Variants in ELAC2 observed in about 807,000 individuals in gnomAD.
ELAC2 encodes elaC ribonuclease Z 2.
In ELAC2, 92 loss-of-function variants were observed where a neutral mutation model predicts 105.2. The observed-to-expected ratio is 0.87, with a 90% CI of 0.74 to 1.04. ELAC2 has a LOEUF of 1.04. ELAC2 is among the 50% of genes least tolerant of loss of function. The probability of loss-of-function intolerance (pLI) is 0.00; values close to 1 mark genes in which losing one functional copy is unlikely to be tolerated. For synonymous variants in ELAC2, 468 were observed against 409.1 expected, an observed-to-expected ratio of 1.14 and a Z score of -1.74; for missense variants, 1,099 against 1,071.7, an observed-to-expected ratio of 1.03 and a Z score of -0.36.
chr17:12,993,777 C>T lies in ELAC2; in HGVS notation c.2163G>A (p.Met721Ile). Reference protein sequence around the residue: ...VGMRMNAEFIMLNHFSQRYAK... With the variant: ...VGMRMNAEFIILNHFSQRYAK... ...CATAGCGCTGGCTGAAGTGGTTCAG[C>T]ATAATGAACTCCGCGTTCATCCGCA... The change falls in exon 23 of 24, where the codon ATG becomes ATA. Residue 721 changes from methionine (M) to isoleucine (I), a missense_variant. Coordinates refer to ENST00000338034, the MANE Select transcript of ELAC2 (RefSeq NM_018127.7). The T allele has an allele frequency of 6.2e-7, 1 of 1,614,154 alleles. No individual in the cohort carries two copies. Among genetic ancestry groups the T allele is most frequent in the African/African-American group, 1.3e-5 (1 of 75,032 alleles).
At position 12,991,675 on chromosome 17, in the gene ELAC2, G is replaced by C; in HGVS notation, c.*1143C>G. ...CATCTGTTCTTGCTTTAATAAACCT[G>C]CGGGGACATGGCCGTCAATCTCAAA... On this transcript the variant is annotated 3_prime_UTR_variant, in exon 24 of 24. Coordinates refer to ENST00000338034, the MANE Select transcript of ELAC2 (RefSeq NM_018127.7). 4.9e-6 allele frequency: 1 copy of C among 202,890 alleles called. No homozygotes were observed. Among genetic ancestry groups the C allele is most frequent in the African/African-American group, 2.3e-5 (1 of 43,714 alleles). The allele number at this position is 202,890 out of a possible 1,614,324, so 12.6% of individuals were successfully genotyped here.
chr17:13,012,103 CTA>C (rs2041447558), intron 6 of ELAC2, among the ~76,000 whole-genome samples: 1 of 152,112 alleles, frequency 6.6e-6, no homozygotes, highest in Admixed American at 6.5e-5. Context: ...CAAAGGGTAC[CTA>C]TCTCAAGAAG....
rs1302413320 is a variant in ELAC2, at chr17:12,991,663, T to TTTAA, written c.*1151_*1154dup. ...CCCTGAGCTTGGCATCTGTTCTTGCTTTAATAAACCTGCGGGGACATGGCC... is the reference window on the plus strand; with the variant it reads ...CCCTGAGCTTGGCATCTGTTCTTGCTTTAATTAATAAACCTGCGGGGACATGGCC... On this transcript the variant is annotated 3_prime_UTR_variant, in exon 24 of 24. Transcript: ENST00000338034. The TTTAA allele has an allele frequency of 2.0e-5, 4 of 199,398 alleles. 1 individual carries two copies. The highest frequency in any genetic ancestry group is 9.2e-5 in the African/African-American group (4 of 43,508). 12.4% of individuals were successfully genotyped at this position (199,398 alleles called of 1,614,324 possible). A position where few individuals can be genotyped will look rare whatever the true frequency, so the allele number is the denominator to read the frequency against.
Position 12,994,843 on chromosome 17 carries a change from G to A in ELAC2, c.1950C>T (p.Gly650=). ...AGCCAGAGGTGTGCACCAGCGCACA[G>A]CCAAACGCATGCTTGCAGTGCCGCA... is the stretch of plus-strand genomic sequence containing the variant. ...CLVRHCKHAF[G]CALVHTSGWK... is the part of the protein sequence containing the mutation. The change falls in exon 21 of 24, where the codon GGC becomes GGT. Residue 650 remains glycine, a synonymous_variant. Transcript: ENST00000338034. The A allele has an allele frequency of 6.2e-7, 1 of 1,614,076 alleles. No individual in the cohort carries two copies. The highest frequency in any genetic ancestry group is 8.5e-7 in the Non-Finnish European group (1 of 1,180,040).
chr17:13,000,286 G>C lies in ELAC2; in HGVS notation c.1305-12C>G, dbSNP rs779858810. ...TAATAATGGCATCCCTGCAGGAAGA[G>C]AGAGAAGCATCTCAGGTGACGGACA... is the stretch of plus-strand genomic sequence containing the variant. On this transcript the variant is annotated splice_polypyrimidine_tract_variant and intron_variant, in intron 14 of 23. Transcript: ENST00000338034. 10 of 1,611,686 alleles carry C rather than the reference G, an allele frequency of 6.2e-6. No individual in the cohort carries two copies. Among genetic ancestry groups the C allele is most frequent in the Non-Finnish European group, 5.9e-6 (7 of 1,178,030 alleles).
chr17:13,001,493 A>G (rs56354307), intron 14 of ELAC2, among the ~76,000 whole-genome samples: 5,256 of 152,030 alleles, frequency 0.035, 133 homozygotes, highest in Non-Finnish European at 0.052. Flanking sequence ...ACTCCGTCTC[A>G]AAAAAATAAA....
At chr17:13,002,717 A>T (rs573350858) in intron 12 of ELAC2, 138 bp from the exon 13 acceptor site, 597 of 1,346,222 alleles carry the variant, frequency 4.4e-4, no homozygotes, top group Non-Finnish European at 5.9e-4. Context: ...GTGTTACTAC[A>T]TGGCCAAACA....
chr17:12,992,006 T>G lies in ELAC2; in HGVS notation c.*812A>C, dbSNP rs1206493828. ...CCTTCGAGGGCAAAGTGATCCTCAC[T>G]CCTCTCAGTATGGAAGCAACAACAC... is the stretch of plus-strand genomic sequence containing the variant. On this transcript the variant is annotated 3_prime_UTR_variant, in exon 24 of 24. Transcript: ENST00000338034. Among the ~76,000 whole-genome samples the G allele has an allele frequency of 2.6e-5, 4 of 152,184 alleles. No individual in the cohort carries two copies. The highest frequency in any genetic ancestry group is 2.1e-4 in the South Asian group (1 of 4,830).
Position 12,992,465 on chromosome 17 carries a change from T to TTACTC in ELAC2, c.*348_*352dup. 1 of 435,732 alleles carries TTACTC rather than the reference T, an allele frequency of 2.3e-6. No homozygotes were observed. Among genetic ancestry groups the TTACTC allele is most frequent in the Non-Finnish European group, 4.2e-6 (1 of 235,592 alleles). 27.0% of individuals were successfully genotyped at this position (435,732 alleles called of 1,614,324 possible). On this transcript the variant is annotated 3_prime_UTR_variant, in exon 24 of 24. Transcript: ENST00000338034. The stretch of plus-strand genomic sequence containing the variant: ...CGGACACTTAGACCCACTGATCCTG[T>TTACTC]TACTCTGCTTGTCTCTGGTGTGCAG...
In ELAC2 at chr17:13,017,782, T is replaced by A; in HGVS notation, c.166A>T (p.Asn56Tyr). 2 of 1,610,064 alleles carry A rather than the reference T, an allele frequency of 1.2e-6. No homozygotes were observed. Among genetic ancestry groups the A allele is most frequent in the Non-Finnish European group, 1.7e-6 (2 of 1,178,740 alleles). ...RGPSGCSGGP[N>Y]TVYLQVVAAG... ...GCCACCACCTGCAGGTACACGGTGTTTGGGCCGCCGGAGCACCCCGACGGT... is the reference window on the plus strand; with the variant it reads ...GCCACCACCTGCAGGTACACGGTGTATGGGCCGCCGGAGCACCCCGACGGT... The change falls in exon 1 of 24, where the codon AAC (asparagine) becomes TAC (tyrosine). Residue 56 changes from asparagine (N) to tyrosine (Y), a missense_variant. Coordinates refer to ENST00000338034, the MANE Select transcript of ELAC2 (RefSeq NM_018127.7).
intron 5 of ELAC2, 48 bp downstream of exon 5, chr17:13,014,391 A>C: frequency 1.4e-6 from 2 of 1,399,740 alleles, no homozygotes; most frequent in South Asian, 1.2e-5. Flanking sequence ...AGGTCAGGGC[A>C]TATATAAGTT....
chr17:13,000,069 C>T (rs1043318121), intron 15 of ELAC2, 87 bp downstream of exon 15: 9 of 1,257,726 alleles, frequency 7.2e-6, no homozygotes, highest in Non-Finnish European at 1.0e-5. Context: ...TTAGAATGCG[C>T]CCCACCAGCA....
rs58700278 is a variant in ELAC2 at position 13,003,811 on chromosome 17, A to C, written c.984-237T>G. On this transcript the variant is annotated intron_variant, in intron 11 of 23. Transcript: ENST00000338034. ...CAAGCTCTGCTCTGGGCTTTCCAGT[A>C]GGCCTGGCTGATCCTTTCTCAGCAC... is the stretch of plus-strand genomic sequence containing the variant. 164,349 of 552,308 alleles carry C rather than the reference A, an allele frequency of 0.3. 25,071 individuals are homozygous for C. The highest frequency in any genetic ancestry group is 0.36 in the South Asian group (18,106 of 50,666). The allele number at this position is 552,308 out of a possible 1,614,324, so 34.2% of individuals were successfully genotyped here.
At chr17:13,003,009 C>T (rs946281380) in intron 12 of ELAC2, among the ~76,000 whole-genome samples, 3 of 152,180 alleles carry the variant, frequency 2.0e-5, no homozygotes, top group African/African-American at 4.8e-5. Context: ...CCCTGGCCAG[C>T]GATGCCCCGA....
At position 13,010,663 on chromosome 17, in the gene ELAC2, G is replaced by T; in HGVS notation, c.688C>A (p.Gln230Lys). Reference sequence around the variant, plus strand: ...GAAGAGTCCCTGACCCCTCTTCTCTGGCTAACACCTGAGGAAAAACACACT... The same window carrying T: ...GAAGAGTCCCTGACCCCTCTTCTCTTGCTAACACCTGAGGAAAAACACACT... ...NEPHLPHGVS[Q>K]RRGVRDSSLV... Residue 230 changes from glutamine (Q) to lysine (K), a missense_variant, in exon 8 of 24, where the codon CAG (glutamine) becomes AAG (lysine). Transcript: ENST00000338034. The T allele has an allele frequency of 6.2e-7, 1 of 1,614,034 alleles. No homozygotes were observed. Among genetic ancestry groups the T allele is most frequent in the Non-Finnish European group, 8.5e-7 (1 of 1,179,962 alleles).
intron 16 of ELAC2, among the ~76,000 whole-genome samples, 179 bp downstream of exon 16, chr17:12,998,233 T>C (rs753566849): frequency 1.3e-5 from 2 of 152,184 alleles, no homozygotes; most frequent in African/African-American, 2.4e-5. Context: ...AGGGTAAAGT[T>C]TGCTACTGAG....
intron 14 of ELAC2, 108 bp downstream of exon 14, chr17:13,002,166 G>A: frequency 8.6e-7 from 1 of 1,169,176 alleles, no homozygotes; most frequent in South Asian, 1.3e-5. Flanking sequence ...AGTTACAACA[G>A]AGACCATATG....
At chr17:12,998,856 C>A (rs1039910714) in intron 15 of ELAC2, among the ~76,000 whole-genome samples, 3 of 152,170 alleles carry the variant, frequency 2.0e-5, no homozygotes, top group Non-Finnish European at 4.4e-5. Flanking sequence ...TTCCTACTTG[C>A]GCTCCTCTGC....
At chr17:13,011,900 T>C (rs950646878) in intron 6 of ELAC2, 118 bp from the exon 7 acceptor site, 43 of 1,492,594 alleles carry the variant, frequency 2.9e-5, no homozygotes, top group Non-Finnish European at 3.5e-5. Context: ...CCTTTTACTA[T>C]ACAGTAGGAA....
Sources: allele counts gnomAD v4.1 joint callset (sites outside exome capture counted in the v4.1 genomes callset), GRCh38; gene constraint gnomAD v4.1.1; transcripts MANE v1.5; gene names NCBI Gene and HGNC (gene_info 2026-07-23, HGNC 2026-07-21).